Variants in SLC14A2 observed in about 807,000 individuals in gnomAD.
The protein encoded by SLC14A2 is urea transporter 2.
SLC14A2 carries 91 observed loss-of-function variants against 104.6 expected under a neutral mutation model. The observed-to-expected ratio is 0.87, with a 90% CI of 0.73 to 1.04. The LOEUF (loss-of-function observed/expected upper bound fraction) is 1.04. SLC14A2 is among the 50% of genes least tolerant of loss of function. The pLI is 0.00. For synonymous variants in SLC14A2, 476 were observed against 466.4 expected, an observed-to-expected ratio of 1.02 and a Z score of -0.27; for missense variants, 1,189 against 1,156.0, an observed-to-expected ratio of 1.03 and a Z score of -0.41.
intron 1 of SLC14A2, among the ~76,000 whole-genome samples, chr18:45,284,059 T>C (rs1470119174): frequency 3.9e-5 from 6 of 152,244 alleles, no homozygotes; most frequent in Non-Finnish European, 5.9e-5. Context: ...TTATTAAAAT[T>C]TATTGCATGA....
rs571502369 is a variant in SLC14A2 at position 45,568,271 on chromosome 18, G to C, written c.-34-56360G>C. The stretch of plus-strand genomic sequence containing the variant: ...TGAGCTTCATGGCCTATGGCCTGCA[G>C]GACCAGGCTAACTGATGAGCTCTAT... On this transcript the variant is annotated intron_variant, in intron 2 of 20. Transcript: ENST00000586448. 6.6e-5 allele frequency among the ~76,000 whole-genome samples: 10 copies of C among 152,342 alleles called. No homozygotes were observed. The East Asian group carries it at 1.5e-3, about 24-fold the overall frequency.
intron 2 of SLC14A2, among the ~76,000 whole-genome samples, chr18:45,502,620 A>T (rs2043215750): frequency 6.6e-6 from 1 of 152,182 alleles, no homozygotes; most frequent in Non-Finnish European, 1.5e-5. Flanking sequence ...ATTCTTTAAC[A>T]TTCATAAAGC....
At chr18:45,503,171 G>T (rs1598929571) in intron 2 of SLC14A2, among the ~76,000 whole-genome samples, 1 of 152,144 alleles carries the variant, frequency 6.6e-6, no homozygotes, top group Admixed American at 6.5e-5. Context: ...GATTGATGCT[G>T]CAGGGGAGTG....
At position 45,666,137 on chromosome 18, in the gene SLC14A2, T is replaced by C. The variant is rs1568000900; in HGVS notation, c.1475T>C (p.Val492Ala). Residue 492 changes from valine to alanine, a missense_variant and splice_region_variant, in exon 12 of 20, where the codon GTG becomes GCG. Physicochemically the swap from Val to Ala is moderately conservative, Grantham distance 64. Coordinates refer to ENST00000255226, the MANE Select transcript of SLC14A2 (RefSeq NM_007163.4). Reference protein sequence around the residue: ...EWSSIRRRSKVFGKGEHQERQ... With the variant: ...EWSSIRRRSKAFGKGEHQERQ... Reference sequence around the variant, plus strand: ...TGGTGCTCTTTCCTTCTAACTCCAGTGTTTGGAAAAGGCGAACACCAGGAA... The same window carrying C: ...TGGTGCTCTTTCCTTCTAACTCCAGCGTTTGGAAAAGGCGAACACCAGGAA... 48 of 1,611,942 alleles carry C rather than the reference T, an allele frequency of 3.0e-5. No homozygotes were observed. Among genetic ancestry groups the C allele is most frequent in the Non-Finnish European group, 4.1e-5 (48 of 1,178,126 alleles).
chr18:45,500,852 C>T (rs2852273), intron 2 of SLC14A2, among the ~76,000 whole-genome samples: 143,679 of 152,262 alleles, frequency 0.94, 68,379 homozygotes, highest in East Asian at 1. Context: ...GGGATTTTCA[C>T]AGCACTATGA....
chr18:45,514,309 T>C (rs778367852), intron 2 of SLC14A2, among the ~76,000 whole-genome samples: 1 of 152,108 alleles, frequency 6.6e-6, no homozygotes, highest in Non-Finnish European at 1.5e-5. Context: ...AGAGATAGCA[T>C]GCAAAGGGGA....
At chr18:45,405,979 A>G (rs1260774592) in intron 1 of SLC14A2, among the ~76,000 whole-genome samples, 1 of 151,932 alleles carries the variant, frequency 6.6e-6, no homozygotes, top group African/African-American at 2.4e-5. Flanking sequence ...GTCTTGCCTC[A>G]ATGTTGATGG....
intron 2 of SLC14A2, among the ~76,000 whole-genome samples, chr18:45,514,207 C>T (rs1029415450): frequency 5.3e-5 from 8 of 152,156 alleles, no homozygotes; most frequent in African/African-American, 1.7e-4. Flanking sequence ...GCAGGCCGTA[C>T]AGGCTTCTGC....
At chr18:45,595,197 T>C (rs779175406) in intron 2 of SLC14A2, among the ~76,000 whole-genome samples, 3 of 151,846 alleles carry the variant, frequency 2.0e-5, no homozygotes, top group African/African-American at 4.8e-5. Flanking sequence ...TGTGTTTGCA[T>C]ACATGTTAGA....
rs971460442 is a variant in SLC14A2 at position 45,498,267 on chromosome 18, C to T, written c.-35+14945C>T. Among the ~76,000 whole-genome samples the T allele has an allele frequency of 2.0e-5, 3 of 152,158 alleles. 1 individual carries two copies. Among genetic ancestry groups the T allele is most frequent in the Non-Finnish European group, 4.4e-5 (3 of 68,026 alleles). ...AACAATTTCCCAGCTACATACTTCCCGGGAACACATTTCTGTATTTTACTA... is the reference window on the plus strand; with the variant it reads ...AACAATTTCCCAGCTACATACTTCCTGGGAACACATTTCTGTATTTTACTA... On this transcript the variant is annotated intron_variant, in intron 2 of 20. Coordinates refer to the SLC14A2 transcript ENST00000586448.
chr18:45,524,525 G>C (rs1016215676), intron 2 of SLC14A2, among the ~76,000 whole-genome samples: 2 of 152,178 alleles, frequency 1.3e-5, no homozygotes, highest in Non-Finnish European at 2.9e-5. Flanking sequence ...AGGAAGCCCA[G>C]AGCAGCCTGA....
At chr18:45,237,286 GA>G (rs1032089737) in intron 1 of SLC14A2, among the ~76,000 whole-genome samples, 2 of 152,136 alleles carry the variant, frequency 1.3e-5, no homozygotes, top group African/African-American at 4.8e-5. Context: ...GCCTCAAGAG[GA>G]AAACACTAGA....
At chr18:45,584,748 T>C (rs1424021106) in intron 2 of SLC14A2, among the ~76,000 whole-genome samples, 1 of 152,234 alleles carries the variant, frequency 6.6e-6, no homozygotes, top group Non-Finnish European at 1.5e-5. Context: ...AGAAAATTCC[T>C]TCATCTCTGT....
chr18:45,586,176 C>T (rs150104523), intron 2 of SLC14A2, among the ~76,000 whole-genome samples: 421 of 152,264 alleles, frequency 2.8e-3, no homozygotes, highest in Non-Finnish European at 5.0e-3. Context: ...GTGGGTTAGA[C>T]GAGAGAATGG....
At chr18:45,305,178 G>A (rs1488328255) in intron 1 of SLC14A2, among the ~76,000 whole-genome samples, 2 of 152,326 alleles carry the variant, frequency 1.3e-5, no homozygotes, top group East Asian at 1.9e-4. Context: ...GTGAGAGGTA[G>A]GGCAGAGAAC....
At chr18:45,555,056 T>A (rs1461202803) in intron 2 of SLC14A2, among the ~76,000 whole-genome samples, 1 of 152,204 alleles carries the variant, frequency 6.6e-6, no homozygotes, top group Non-Finnish European at 1.5e-5. Flanking sequence ...AGTTGCTCAA[T>A]AAATATTTGT....
chr18:45,364,101 C>T (rs1273335122), intron 1 of SLC14A2, among the ~76,000 whole-genome samples: 1 of 152,222 alleles, frequency 6.6e-6, no homozygotes, highest in Non-Finnish European at 1.5e-5. Context: ...CATCCCTCAA[C>T]TCTTCCCTGT....
intron 1 of SLC14A2, among the ~76,000 whole-genome samples, chr18:45,315,358 A>G (rs2085118868): frequency 6.6e-6 from 1 of 152,182 alleles, no homozygotes; most frequent in African/African-American, 2.4e-5. Flanking sequence ...AGCATGGGGA[A>G]GATGATTGTT....
At chr18:45,490,391 G>A (rs1053792294) in intron 2 of SLC14A2, among the ~76,000 whole-genome samples, 3 of 152,088 alleles carry the variant, frequency 2.0e-5, no homozygotes, top group African/African-American at 7.2e-5. Context: ...ACAGAAATTG[G>A]CTCTTCATAT....
Sources: gnomAD v4.1 joint callset for allele counts (sites outside exome capture counted in the v4.1 genomes callset) on GRCh38, gnomAD v4.1.1 for gene constraint, MANE v1.5 for transcripts, NCBI Gene and HGNC (gene_info 2026-07-23, HGNC 2026-07-21) for gene names.